The following CEMIP variants were observed in gnomAD, a reference collection of about 807,000 sequenced individuals.
CEMIP encodes cell migration-inducing and hyaluronan-binding protein.
Under a neutral mutation model 156.9 loss-of-function variants are expected in CEMIP, and 105 were observed. The ratio of observed to expected loss-of-function variants is 0.67; its 90% CI spans 0.57 to 0.79. The LOEUF (loss-of-function observed/expected upper bound fraction) is 0.79, where lower values mean the gene tolerates loss of function less well. CEMIP is among the 30% of genes least tolerant of loss of function. CEMIP has a pLI of 0.00. For synonymous variants in CEMIP, 676 were observed against 668.4 expected, an observed-to-expected ratio of 1.01 and a Z score of -0.17; for missense variants, 1,457 against 1,769.4, an observed-to-expected ratio of 0.82 and a Z score of 3.17.
intron 16 of CEMIP, among the ~76,000 whole-genome samples, chr15:80,921,462 C>T (rs550276730): frequency 4.6e-5 from 7 of 152,124 alleles, no homozygotes; most frequent in Non-Finnish European, 8.8e-5. Context: ...AACCCAGTGA[C>T]GTAGGTATTA....
intron 14 of CEMIP, among the ~76,000 whole-genome samples, chr15:80,915,116 C>T (rs559231739): frequency 6.6e-6 from 1 of 152,294 alleles, no homozygotes; most frequent in South Asian, 2.1e-4. Flanking sequence ...TTAGGTTTTA[C>T]AATAGTGATG....
intron 1 of CEMIP, among the ~76,000 whole-genome samples, chr15:80,851,259 G>T (rs903274397): frequency 6.6e-6 from 1 of 152,212 alleles, no homozygotes; most frequent in Non-Finnish European, 1.5e-5. Context: ...GGGTGAACAG[G>T]AGACAGGGAC....
intron 1 of CEMIP, 140 bp from the exon 2 acceptor site, chr15:80,873,398 C>A (rs545887943): frequency 2.7e-5 from 6 of 218,642 alleles, no homozygotes; most frequent in Non-Finnish European, 3.7e-5. Context: ...CCAGTCCACA[C>A]CCTCATTTTA....
intron 1 of CEMIP, among the ~76,000 whole-genome samples, chr15:80,811,681 A>G (rs1481452660): frequency 6.6e-6 from 1 of 152,160 alleles, no homozygotes; most frequent in East Asian, 1.9e-4. Context: ...CAGCCTCCTG[A>G]GTAGCTGAGG....
At position 80,943,053 on chromosome 15, in the gene CEMIP, C is replaced by T; in HGVS notation, c.3808C>T (p.Gln1270Ter). 1 of 1,614,232 alleles carries T rather than the reference C, an allele frequency of 6.2e-7. No homozygotes were observed. Among genetic ancestry groups the T allele is most frequent in the Non-Finnish European group, 8.5e-7 (1 of 1,180,038 alleles). ...CACGAGCTTCAGGAACTCCATTCTG[C>T]AAGGCATACCATGGCAGCTTTTCAA... Reference protein sequence around the residue: ...SHTSFRNSILQGIPWQLFNYV... With the variant: ...SHTSFRNSIL Residue 1270 changes from glutamine to a stop codon, truncating the protein, a stop_gained, in exon 28 of 30, where the codon CAA becomes TAA. Transcript: ENST00000394685. LOFTEE classifies it high-confidence loss of function.
At chr15:80,789,982 G>A (rs1896038905) in intron 1 of CEMIP, among the ~76,000 whole-genome samples, 1 of 152,202 alleles carries the variant, frequency 6.6e-6, no homozygotes, top group Non-Finnish European at 1.5e-5. Flanking sequence ...ACGAGGGGCA[G>A]AGAGGCAGAG....
At chr15:80,837,228 C>T (rs1315338216) in intron 1 of CEMIP, among the ~76,000 whole-genome samples, 1 of 152,124 alleles carries the variant, frequency 6.6e-6, no homozygotes, top group Non-Finnish European at 1.5e-5. Flanking sequence ...CACTCCGAGA[C>T]GCACAGATGG....
intron 1 of CEMIP, among the ~76,000 whole-genome samples, chr15:80,823,489 A>G (rs921900041): frequency 2.6e-5 from 4 of 152,186 alleles, no homozygotes; most frequent in Admixed American, 2.6e-4. Flanking sequence ...CTCTGCAGGG[A>G]CTTTTCAGTC....
rs773088119 is a variant in CEMIP, at chr15:80,936,646, T to C, written c.3010-28T>C. On this transcript the variant is annotated intron_variant, in intron 23 of 29. Transcript: ENST00000394685. ...GAATAATCCTTCGTAATAGCCTCAT[T>C]GTGTGTTTCCTTTTTGGGTTTTAAA... 5.1e-6 allele frequency: 8 copies of C among 1,578,766 alleles called. No homozygotes were observed. In the Admixed American group the frequency reaches 1.2e-4, roughly 23 times the overall value.
intron 1 of CEMIP, among the ~76,000 whole-genome samples, chr15:80,825,223 G>A (rs1187160913): frequency 6.6e-6 from 1 of 152,048 alleles, no homozygotes; most frequent in Non-Finnish European, 1.5e-5. Flanking sequence ...GATGGGCATT[G>A]TACCACTATG....
intron 10 of CEMIP, among the ~76,000 whole-genome samples, chr15:80,892,144 C>A (rs1170613598): frequency 6.6e-6 from 1 of 152,066 alleles, no homozygotes; most frequent in Non-Finnish European, 1.5e-5. Context: ...GTGCCTGCCC[C>A]CAGTGCCCAA....
At position 80,917,822 on chromosome 15, in the gene CEMIP, C is replaced by T. The variant is rs182157206; in HGVS notation, c.1798-2272C>T. On this transcript the variant is annotated intron_variant, in intron 14 of 29. Transcript: ENST00000394685. ...TGCTTTCTCTGAGTCTCGTTTTCCT[C>T]GTCTCTAAAAAAAAATTAAAATTGA... Among the ~76,000 whole-genome samples, 49 of 152,102 alleles carry T rather than the reference C, an allele frequency of 3.2e-4. No homozygotes were observed. In the East Asian group the frequency reaches 5.0e-3, roughly 16 times the overall value.
chr15:80,873,877 AG>A lies in CEMIP; in HGVS notation c.-1del. 1 of 1,575,562 alleles carries A rather than the reference AG, an allele frequency of 6.3e-7. No homozygotes were observed. Among genetic ancestry groups the A allele is most frequent in the Non-Finnish European group, 8.6e-7 (1 of 1,158,834 alleles). On this transcript the variant is annotated 5_prime_UTR_variant, in exon 3 of 30. Transcript: ENST00000394685. ...CTTCTCTTTCAGGGAGCACACTGCC[AG>A]GATGGGAGCTGCTGGGAGGCAGGAC...
At chr15:80,899,862 A>T (rs1489400667) in intron 12 of CEMIP, among the ~76,000 whole-genome samples, 1 of 152,230 alleles carries the variant, frequency 6.6e-6, no homozygotes, top group Non-Finnish European at 1.5e-5. Flanking sequence ...GACAATTGTG[A>T]AGAAGCCTCT....
chr15:80,878,637 C>T (rs559574464), intron 3 of CEMIP, 84 bp from the exon 4 acceptor site: 195 of 1,577,764 alleles, frequency 1.2e-4, no homozygotes, highest in Non-Finnish European at 1.6e-4. Flanking sequence ...CTTAAAGATG[C>T]ATGGGAGCCC....
intron 1 of CEMIP, among the ~76,000 whole-genome samples, chr15:80,821,053 G>C (rs1016518787): frequency 6.6e-6 from 1 of 152,180 alleles, no homozygotes; most frequent in African/African-American, 2.4e-5. Flanking sequence ...GCAGTAGTTG[G>C]AAAGGAACTG....
rs994452383 is a variant in CEMIP at position 80,950,616 on chromosome 15, G to A, written c.*1692G>A. The A allele has an allele frequency of 6.6e-6, 1 of 152,332 alleles. No individual in the cohort carries two copies. The highest frequency in any genetic ancestry group is 1.5e-5 in the Non-Finnish European group (1 of 68,140). The allele number at this position is 152,332 out of a possible 1,614,324, so 9.4% of individuals were successfully genotyped here. On this transcript the variant is annotated 3_prime_UTR_variant, in exon 30 of 30. Coordinates refer to ENST00000394685, the MANE Select transcript of CEMIP (RefSeq NM_001293298.2). ...AGCTCTACAGGTGAGGCCCAGCAGA[G>A]GGAGTAGGGCTCGCCATGTTTCTGG...
intron 28 of CEMIP, among the ~76,000 whole-genome samples, chr15:80,944,378 A>G (rs1370345822): frequency 2.6e-5 from 4 of 152,142 alleles, no homozygotes; most frequent in African/African-American, 9.7e-5. Flanking sequence ...GGCCTTCTCA[A>G]TGTTGGGGCC....
chr15:80,792,284 C>A (rs1363138259), intron 1 of CEMIP, among the ~76,000 whole-genome samples: 1 of 152,132 alleles, frequency 6.6e-6, no homozygotes, highest in Non-Finnish European at 1.5e-5. Flanking sequence ...TTGTTGACTG[C>A]AAAATAAACT....
Sources: allele counts gnomAD v4.1 joint callset (sites outside exome capture counted in the v4.1 genomes callset), GRCh38; gene constraint gnomAD v4.1.1; transcripts MANE v1.5; gene names NCBI Gene and HGNC (gene_info 2026-07-23, HGNC 2026-07-21).